The following CLCN3 variants were observed in gnomAD, a reference collection of about 807,000 sequenced individuals.
CLCN3 encodes H(+)/Cl(-) exchange transporter 3.
CLCN3 carries 16 observed loss-of-function variants against 83.4 expected under a neutral mutation model. The observed-to-expected ratio is 0.19, with a 90% CI of 0.13 to 0.29. CLCN3 has a LOEUF of 0.29. Ranked by LOEUF, CLCN3 falls within the 10% of genes least tolerant of loss-of-function variation. The pLI is 1.00. For synonymous variants in CLCN3, 322 were observed against 346.2 expected, an observed-to-expected ratio of 0.93 and a Z score of 0.78; for missense variants, 544 against 1,006.0, an observed-to-expected ratio of 0.54 and a Z score of 6.21.
At chr4:169,660,310 C>T in intron 2 of CLCN3, 1 of 1,355,672 alleles carries the variant, frequency 7.4e-7, no homozygotes, top group Non-Finnish European at 9.4e-7. Flanking sequence ...ATGTCACTTT[C>T]TTTTTAAGCT....
At chr4:169,708,242 G>A (rs989524085) in intron 11 of CLCN3, among the ~76,000 whole-genome samples, 6 of 152,166 alleles carry the variant, frequency 3.9e-5, no homozygotes, top group African/African-American at 1.4e-4. Flanking sequence ...ACCAGACAGT[G>A]TATGTGGGGG....
Position 169,697,520 on chromosome 4 carries a change from TA to T in CLCN3, c.1352del (p.Asn451ThrfsTer5), listed in dbSNP as rs778286062. 1 of 1,614,222 alleles carries T rather than the reference TA, an allele frequency of 6.2e-7. No homozygotes were observed. The highest frequency in any genetic ancestry group is 8.5e-7 in the Non-Finnish European group (1 of 1,180,018). On this transcript the variant is annotated frameshift_variant, in exon 9 of 13. Transcript: ENST00000513761. LOFTEE classifies it high-confidence loss of function. ...VIAFPNPYTR[L>X]NTSELIKELF... The stretch of plus-strand genomic sequence containing the variant: ...GCCTTCCCTAATCCATACACTAGGC[TA>T]AACACCAGTGAACTGATCAAAGAGC...
Position 169,707,241 on chromosome 4 carries a change from C to T in CLCN3, c.2124C>T (p.Leu708=), listed in dbSNP as rs200826989. 2.2e-5 allele frequency: 35 copies of T among 1,608,610 alleles called. No homozygotes were observed. The East Asian group carries it at 7.8e-4, about 36-fold the overall frequency. ...CTCAGAGATTAGTGGGATTTGCCCT[C>T]AGAAGAGACCTGACAATTGCAATAG... ...KESQRLVGFA[L]RRDLTIAIES... is the part of the protein sequence containing the mutation. Residue 708 remains leucine, a synonymous_variant, in exon 11 of 13, where the codon CTC becomes CTT. Transcript: ENST00000513761.
intron 2 of CLCN3, among the ~76,000 whole-genome samples, chr4:169,645,325 A>G (rs976053977): frequency 6.6e-6 from 1 of 152,216 alleles, no homozygotes; most frequent in Non-Finnish European, 1.5e-5. Flanking sequence ...AAATCTACAT[A>G]TATGATTTCC....
At chr4:169,689,972 A>G (rs1732300453) in intron 5 of CLCN3, among the ~76,000 whole-genome samples, 1 of 152,156 alleles carries the variant, frequency 6.6e-6, no homozygotes, top group African/African-American at 2.4e-5. Context: ...TGTTGGTAAC[A>G]AGACTTTAGG....
At chr4:169,630,100 TTGTAA>T (rs113109873) in intron 1 of CLCN3, among the ~76,000 whole-genome samples, 15,936 of 152,220 alleles carry the variant, frequency 0.1, 1,236 homozygotes, top group African/African-American at 0.22. Context: ...ATGTAAGACC[TTGTAA>T]GAAAAATGAG....
At chr4:169,670,248 A>G (rs1252887851) in intron 2 of CLCN3, among the ~76,000 whole-genome samples, 1 of 152,086 alleles carries the variant, frequency 6.6e-6, no homozygotes, top group Non-Finnish European at 1.5e-5. Flanking sequence ...TTTGGGTTTT[A>G]CATTTAAGCC....
rs955867200 is a variant in CLCN3, at chr4:169,719,939, T to C, written c.2399T>C (p.Ile800Thr). 4 of 1,613,510 alleles carry C rather than the reference T, an allele frequency of 2.5e-6. No individual in the cohort carries two copies. The highest frequency in any genetic ancestry group is 1.7e-5 in the Admixed American group (1 of 59,860). The stretch of plus-strand genomic sequence containing the variant: ...CTTGGCATTATAACAAAAAAAGATA[T>C]CCTCCGGCATATGGCCCAGACGGCA... Reference protein sequence around the residue: ...RLLGIITKKDILRHMAQTANQ... With the variant: ...RLLGIITKKDTLRHMAQTANQ... The change falls in exon 13 of 13, where the codon ATC becomes ACC. Residue 800 changes from isoleucine to threonine, a missense_variant. Around this residue, in one of 6 missense-constraint regions of CLCN3, gnomAD observed 142 missense variants for 225.0 expected, o/e 0.63. Coordinates refer to ENST00000513761, the MANE Select transcript of CLCN3 (RefSeq NM_001829.4).
chr4:169,675,733 GTTTATGTATC>G (rs2150233673), intron 2 of CLCN3, among the ~76,000 whole-genome samples: 1 of 152,146 alleles, frequency 6.6e-6, no homozygotes, highest in African/African-American at 2.4e-5. Flanking sequence ...ATGTTTCTTT[GTTTATGTATC>G]TTTATTATAA....
At chr4:169,629,872 G>T (rs1773326423) in intron 1 of CLCN3, among the ~76,000 whole-genome samples, 1 of 152,216 alleles carries the variant, frequency 6.6e-6, no homozygotes, top group Non-Finnish European at 1.5e-5. Flanking sequence ...AAGTGGGTCA[G>T]CGAAGCTTTG....
chr4:169,659,940 G>A (rs562871635), intron 2 of CLCN3: 2 of 574,894 alleles, frequency 3.5e-6, no homozygotes, highest in East Asian at 1.4e-4. Context: ...TTACATCTCT[G>A]TATTACTTTT....
chr4:169,690,915 T>G (rs927856810), intron 6 of CLCN3, among the ~76,000 whole-genome samples: 1 of 152,176 alleles, frequency 6.6e-6, no homozygotes, highest in Non-Finnish European at 1.5e-5. Flanking sequence ...TTTCAGACTA[T>G]TTAGTTAAAC....
At chr4:169,719,743 T>C (rs1733562355) in intron 12 of CLCN3, among the ~76,000 whole-genome samples, 164 bp from the exon 13 acceptor site, 1 of 152,176 alleles carries the variant, frequency 6.6e-6, no homozygotes, top group African/African-American at 2.4e-5. Flanking sequence ...GGATGGTTGC[T>C]GGATAATTTT....
intron 2 of CLCN3, among the ~76,000 whole-genome samples, chr4:169,642,019 A>G (rs956638912): frequency 2.0e-5 from 3 of 152,350 alleles, no homozygotes; most frequent in African/African-American, 7.2e-5. Context: ...AAGGGAAAAC[A>G]ACTTGAGGTG....
At chr4:169,698,254 C>T (rs1162163948) in intron 9 of CLCN3, among the ~76,000 whole-genome samples, 1 of 152,146 alleles carries the variant, frequency 6.6e-6, no homozygotes, top group Non-Finnish European at 1.5e-5. Flanking sequence ...CAATTACACT[C>T]TTAATTATTT....
intron 2 of CLCN3, among the ~76,000 whole-genome samples, chr4:169,679,681 G>T (rs13102795): frequency 0.17 from 25,879 of 152,210 alleles, 2,822 homozygotes; most frequent in South Asian, 0.3. Context: ...TCGAGGTCAG[G>T]AGCTGGAGAC....
chr4:169,718,193 G>A (rs1466265297), intron 12 of CLCN3, among the ~76,000 whole-genome samples: 1 of 151,790 alleles, frequency 6.6e-6, no homozygotes, highest in African/African-American at 2.4e-5. Context: ...CTACCTCAGT[G>A]GATACACCGG....
chr4:169,700,065 G>T (rs1343573567), intron 9 of CLCN3, among the ~76,000 whole-genome samples: 1 of 152,140 alleles, frequency 6.6e-6, no homozygotes, highest in Admixed American at 6.5e-5. Context: ...GCAATTGGCA[G>T]GCCTTTGTTA....
rs1733662951 is a variant in CLCN3 at position 169,722,271 on chromosome 4, G to C, written c.*2274G>C. 6.6e-6 allele frequency: 1 copy of C among 152,210 alleles called. No homozygotes were observed. The highest frequency in any genetic ancestry group is 1.5e-5 in the Non-Finnish European group (1 of 68,040). The allele number at this position is 152,210 out of a possible 1,614,324, so 9.4% of individuals were successfully genotyped here. On this transcript the variant is annotated 3_prime_UTR_variant, in exon 13 of 13. Transcript: ENST00000513761. ...ATGAAGCCATATAAGAATGAGGATT[G>C]AAAGTTGAGCAAAATTTTCGGGATT...
Sources: allele counts gnomAD v4.1 joint callset (sites outside exome capture counted in the v4.1 genomes callset), GRCh38; gene constraint gnomAD v4.1.1; regional missense constraint gnomAD v4.1.1; transcripts MANE v1.5; gene names NCBI Gene and HGNC (gene_info 2026-07-23, HGNC 2026-07-21).